Variants in KIF6 observed in about 807,000 individuals in gnomAD.
The protein encoded by KIF6 is kinesin-like protein KIF6.
A neutral mutation model predicts 112.7 loss-of-function variants in KIF6; 106 were observed. The ratio of observed to expected loss-of-function variants is 0.94; its 90% CI spans 0.80 to 1.11. The LOEUF (loss-of-function observed/expected upper bound fraction) is 1.11, where lower values mean the gene tolerates loss of function less well. Among genes scored for constraint, KIF6 ranks in the 50% least tolerant of loss-of-function variants. The probability of loss-of-function intolerance (pLI) is 0.00; values close to 1 mark genes in which losing one functional copy is unlikely to be tolerated. For synonymous variants in KIF6, 339 were observed against 339.9 expected (o/e 1.00, Z 0.03); for missense variants, 929 against 964.0 (o/e 0.96, Z 0.48).
At chr6:39,448,105 G>A (rs907395936) in intron 13 of KIF6, among the ~76,000 whole-genome samples, 1 of 152,064 alleles carries the variant, frequency 6.6e-6, no homozygotes, top group African/African-American at 2.4e-5. Context: ...CATCAGCCTC[G>A]GTCTCTGGGG....
At chr6:39,646,813 A>G (rs1291394968) in intron 3 of KIF6, among the ~76,000 whole-genome samples, 4 of 152,170 alleles carry the variant, frequency 2.6e-5, no homozygotes, top group Non-Finnish European at 4.4e-5. Context: ...TATTTTAAAT[A>G]CACAGTTCCG....
chr6:39,589,159 C>T (rs1163043826), intron 7 of KIF6, among the ~76,000 whole-genome samples: 1 of 152,170 alleles, frequency 6.6e-6, no homozygotes, highest in Non-Finnish European at 1.5e-5. Context: ...AATTGCTGTT[C>T]CTTCTGCCTA....
At position 39,346,132 on chromosome 6, in the gene KIF6, C is replaced by CCTCTCTCTCTCCCTTTCTCT. The variant is rs1763769865; in HGVS notation, c.2231+343_2232-343insAGAGAAAGGGAGAGAGAGAG. Among the ~76,000 whole-genome samples, 2 of 26,916 alleles carry CCTCTCTCTCTCCCTTTCTCT rather than the reference C, an allele frequency of 7.4e-5. 1 individual carries two copies. Among genetic ancestry groups the CCTCTCTCTCTCCCTTTCTCT allele is most frequent in the African/African-American group, 3.0e-4 (2 of 6,736 alleles). The allele number at this position is 26,916 out of a possible 152,430, so 17.7% of individuals were successfully genotyped here. On this transcript the variant is annotated intron_variant, in intron 20 of 22. Transcript: ENST00000287152. ...CTCCCTCTCCCTCTCCCTCCCTCTC[C>CCTCTCTCTCTCCCTTTCTCT]CTCTCTCTCTCTCTCTCTCTCTCTC...
chr6:39,546,759 G>A (rs61133479), intron 10 of KIF6, among the ~76,000 whole-genome samples: 2 of 151,166 alleles, frequency 1.3e-5, no homozygotes, highest in South Asian at 4.2e-4. Flanking sequence ...CCAGGAGGCA[G>A]AGGTTGCAGT....
chr6:39,460,536 T>TAAAAAAAAAAAAAAAGA (rs1773405729), intron 13 of KIF6, among the ~76,000 whole-genome samples: 4 of 57,068 alleles, frequency 7.0e-5, no homozygotes, highest in South Asian at 7.8e-4. Context: ...AAAAAAAAAG[T>TAAAAAAAAAAAAAAAGA]AAAAAAAAAA....
intron 13 of KIF6, among the ~76,000 whole-genome samples, chr6:39,523,627 C>T (rs1276907983): frequency 1.6e-5 from 2 of 122,384 alleles, no homozygotes; most frequent in South Asian, 2.7e-4. Flanking sequence ...CTTTACTTCC[C>T]TCCCCTATTA....
rs770705778 is a variant in KIF6 at position 39,431,054 on chromosome 6, T to C, written c.1753A>G (p.Arg585Gly). ...AGCTGCTCTCTGAGACAGCCTTACC[T>C]CTGTTTCAGAATCTGTTTGTTGTCA... ...IDDNKQILKQ[R>G]FSEAKALGES... Residue 585 changes from arginine (R) to glycine (G), a missense_variant and splice_region_variant, in exon 14 of 23, where the codon AGA (arginine) becomes GGA (glycine). Coordinates refer to ENST00000287152, the MANE Select transcript of KIF6 (RefSeq NM_145027.6). 6.2e-7 allele frequency: 1 copy of C among 1,602,582 alleles called. No homozygotes were observed. Among genetic ancestry groups the C allele is most frequent in the African/African-American group, 1.3e-5 (1 of 74,874 alleles).
At chr6:39,368,741 G>C (rs986912049) in intron 16 of KIF6, among the ~76,000 whole-genome samples, 2 of 152,240 alleles carry the variant, frequency 1.3e-5, no homozygotes, top group Non-Finnish European at 2.9e-5. Flanking sequence ...CAGCCAGCCT[G>C]TTCCATGCCC....
At chr6:39,576,270 A>C (rs981282100) in intron 10 of KIF6, among the ~76,000 whole-genome samples, 2 of 151,926 alleles carry the variant, frequency 1.3e-5, no homozygotes, top group Non-Finnish European at 2.9e-5. Flanking sequence ...GATTACAGGC[A>C]TGCACCACCA....
intron 13 of KIF6, among the ~76,000 whole-genome samples, chr6:39,526,325 C>T (rs912799009): frequency 1.4e-4 from 21 of 152,216 alleles, no homozygotes; most frequent in Non-Finnish European, 1.6e-4. Context: ...ACCCTTTTCT[C>T]CAAAGAGTCT....
intron 13 of KIF6, among the ~76,000 whole-genome samples, chr6:39,433,832 G>A (rs1771329057): frequency 6.6e-6 from 1 of 152,210 alleles, no homozygotes; most frequent in African/African-American, 2.4e-5. Context: ...GCTCCAGTGT[G>A]TGAGCCCAGG....
chr6:39,695,853 T>G (rs1788500454), intron 3 of KIF6, among the ~76,000 whole-genome samples: 1 of 152,136 alleles, frequency 6.6e-6, no homozygotes, highest in Non-Finnish European at 1.5e-5. Context: ...ACTCGTATTC[T>G]CATCACAACA....
chr6:39,417,681 A>T (rs997707339), intron 15 of KIF6, among the ~76,000 whole-genome samples: 3 of 152,178 alleles, frequency 2.0e-5, no homozygotes, highest in Non-Finnish European at 4.4e-5. Flanking sequence ...TTGCTCCACC[A>T]ACATACACGA....
At chr6:39,426,415 A>C (rs754314601) in intron 14 of KIF6, among the ~76,000 whole-genome samples, 3 of 152,202 alleles carry the variant, frequency 2.0e-5, no homozygotes. Context: ...CCGTGAGAGC[A>C]GCAAAGGGTG....
intron 15 of KIF6, among the ~76,000 whole-genome samples, chr6:39,389,826 T>C (rs1286042217): frequency 6.6e-6 from 1 of 151,686 alleles, no homozygotes; most frequent in Non-Finnish European, 1.5e-5. Context: ...AGGTCAGGAG[T>C]TTAAGACTAG....
chr6:39,601,711 GAC>G (rs10532285), intron 6 of KIF6, among the ~76,000 whole-genome samples: 92,875 of 147,264 alleles, frequency 0.63, 31,611 homozygotes, highest in Non-Finnish European at 0.75. Flanking sequence ...ATTTCTTTGG[GAC>G]ACACACACAC....
intron 22 of KIF6, among the ~76,000 whole-genome samples, chr6:39,341,260 G>A (rs1356379438): frequency 6.6e-6 from 1 of 152,084 alleles, no homozygotes; most frequent in Non-Finnish European, 1.5e-5. Context: ...ACCCTGACAT[G>A]CAAAATGGCC....
At position 39,342,776 on chromosome 6, in the gene KIF6, G is replaced by A. The variant is rs987989877; in HGVS notation, c.2428+933C>T. 2.5e-5 allele frequency: 25 copies of A among 985,172 alleles called. No homozygotes were observed. The highest frequency in any genetic ancestry group is 8.4e-6 in the Non-Finnish European group (7 of 829,850). The allele number at this position is 985,172 out of a possible 1,614,324, so 61.0% of individuals were successfully genotyped here. A position where few individuals can be genotyped will look rare whatever the true frequency, so the allele number is the denominator to read the frequency against. Reference sequence around the variant, plus strand: ...AGTAAATAAGCAGGCTGGCGGCCAAGCAAGGCGAGTACAGGACCAAGGCCG... The same window carrying A: ...AGTAAATAAGCAGGCTGGCGGCCAAACAAGGCGAGTACAGGACCAAGGCCG... On this transcript the variant is annotated intron_variant, in intron 22 of 22. Coordinates refer to ENST00000287152, the MANE Select transcript of KIF6 (RefSeq NM_145027.6). This position sits in a 1 kb window ranked among gnomAD's most constrained non-coding sequence, Gnocchi z 4.7.
chr6:39,511,341 A>G (rs543196849), intron 13 of KIF6, among the ~76,000 whole-genome samples: 1 of 152,366 alleles, frequency 6.6e-6, no homozygotes, highest in Non-Finnish European at 1.5e-5. Context: ...ATATGTAAAA[A>G]TGCTCGTCAT....
Sources: allele counts gnomAD v4.1 joint callset (sites outside exome capture counted in the v4.1 genomes callset), GRCh38; gene constraint gnomAD v4.1.1; non-coding constraint Gnocchi (gnomAD v3.1); transcripts MANE v1.5; gene names NCBI Gene and HGNC (gene_info 2026-07-23, HGNC 2026-07-21).